The following ARHGEF3 variants were observed in gnomAD, a reference collection of about 807,000 sequenced individuals.
ARHGEF3 encodes the protein Rho guanine nucleotide exchange factor 3.
Under a neutral mutation model 63.2 loss-of-function variants are expected in ARHGEF3, and 28 were observed. The ratio of observed to expected loss-of-function variants is 0.44; its 90% confidence interval spans 0.33 to 0.61. The LOEUF is 0.61. ARHGEF3 is among the 20% of genes least tolerant of loss of function. The probability of loss-of-function intolerance (pLI) is 0.03; values close to 1 mark genes in which losing one functional copy is unlikely to be tolerated. For synonymous variants in ARHGEF3, 266 were observed against 254.2 expected (o/e 1.05, Z -0.44); for missense variants, 533 against 659.3 (o/e 0.81, Z 2.10).
chr3:57,021,045 T>C (rs1325156806), intron 2 of ARHGEF3, among the ~76,000 whole-genome samples: 1 of 152,224 alleles, frequency 6.6e-6, no homozygotes, highest in Admixed American at 6.5e-5. Flanking sequence ...CCTGTCAGTA[T>C]TACTCTAAGC....
intron 3 of ARHGEF3, among the ~76,000 whole-genome samples, chr3:56,922,996 G>T (rs1223705603): frequency 7.0e-6 from 1 of 143,752 alleles, no homozygotes; most frequent in African/African-American, 2.6e-5. Flanking sequence ...GACCAGCTTG[G>T]CCAAAATGGC....
intron 2 of ARHGEF3, among the ~76,000 whole-genome samples, chr3:56,970,220 T>C (rs1031391510): frequency 3.9e-5 from 6 of 152,218 alleles, no homozygotes; most frequent in African/African-American, 1.2e-4. Flanking sequence ...ATGGTTGCAA[T>C]GGTAATATTT....
intron 1 of ARHGEF3, among the ~76,000 whole-genome samples, chr3:56,779,456 G>A (rs560727841): frequency 2.0e-5 from 3 of 152,154 alleles, no homozygotes; most frequent in Admixed American, 2.0e-4. Flanking sequence ...GCCTGCCTAT[G>A]GTGCATGTCA....
chr3:56,854,951 G>A (rs2039817044), intron 4 of ARHGEF3, among the ~76,000 whole-genome samples: 1 of 152,212 alleles, frequency 6.6e-6, no homozygotes, highest in Non-Finnish European at 1.5e-5. Flanking sequence ...CAGTAAACAG[G>A]AGAGTGTGCA....
chr3:56,926,129 A>G (rs150454981), intron 3 of ARHGEF3, among the ~76,000 whole-genome samples: 3 of 152,342 alleles, frequency 2.0e-5, no homozygotes, highest in African/African-American at 7.2e-5. Flanking sequence ...GCCAGGGACC[A>G]TTCTCAGGGT....
At chr3:57,016,000 C>T (rs986247770) in intron 2 of ARHGEF3, among the ~76,000 whole-genome samples, 2 of 152,152 alleles carry the variant, frequency 1.3e-5, no homozygotes, top group Non-Finnish European at 2.9e-5. Context: ...CACCTGGGTG[C>T]GTCCTCATAT....
At chr3:56,823,341 G>T (rs2038589956) in intron 4 of ARHGEF3, among the ~76,000 whole-genome samples, 1 of 152,294 alleles carries the variant, frequency 6.6e-6, no homozygotes, top group South Asian at 2.1e-4. Flanking sequence ...TTATTAGCAT[G>T]ACTGAAAAAG....
chr3:56,882,337 G>A (rs966533736), exon 4 of ARHGEF3: 8 of 1,551,630 alleles, frequency 5.2e-6, no homozygotes, highest in Middle Eastern at 1.7e-4. Flanking sequence ...CATCTTGGGT[G>A]CTCTGTTTCC....
chr3:56,815,647 C>T (rs1458020792), intron 4 of ARHGEF3, among the ~76,000 whole-genome samples: 3 of 152,200 alleles, frequency 2.0e-5, no homozygotes, highest in Non-Finnish European at 4.4e-5. Flanking sequence ...AGACAGACTA[C>T]AAATGGGATA....
chr3:56,927,722 A>G (rs2042311251), intron 3 of ARHGEF3, among the ~76,000 whole-genome samples: 1 of 152,160 alleles, frequency 6.6e-6, no homozygotes, highest in Non-Finnish European at 1.5e-5. Flanking sequence ...TCCAGGTGGT[A>G]CCGCATATGA....
chr3:56,750,282 G>A (rs1046345540), intron 6 of ARHGEF3, among the ~76,000 whole-genome samples: 23 of 152,184 alleles, frequency 1.5e-4, no homozygotes, highest in Admixed American at 5.2e-4. Context: ...GGCAAAATAA[G>A]AGCACACGCC....
chr3:56,972,908 G>A lies in ARHGEF3; in HGVS notation c.63-14019C>T, dbSNP rs188996360. Among the ~76,000 whole-genome samples the A allele has an allele frequency of 2.1e-3, 316 of 152,180 alleles. 2 individuals are homozygous for A. The highest frequency in any genetic ancestry group is 3.4e-3 in the Non-Finnish European group (229 of 68,014). ...AGCTCCAGGTGGCGAGACGGGGGCA[G>A]GGAGGAGGTGAGGAAGTTCCTACAG... On this transcript the variant is annotated intron_variant, in intron 2 of 12. Coordinates refer to the ARHGEF3 transcript ENST00000338458.
At position 56,754,968 on chromosome 3, in the gene ARHGEF3, G is replaced by A. The variant is rs774073052; in HGVS notation, c.375+13C>T. The A allele has an allele frequency of 6.2e-7, 1 of 1,614,070 alleles. No homozygotes were observed. Among genetic ancestry groups the A allele is most frequent in the Non-Finnish European group, 8.5e-7 (1 of 1,180,006 alleles). ...TCCAGACACACAGCCAGCTCCATGG[G>A]CCCCGAGCCTACCTCCTGACGTTTG... On this transcript the variant is annotated intron_variant, in intron 3 of 9. Coordinates refer to ENST00000296315, the MANE Select transcript of ARHGEF3 (RefSeq NM_019555.3).
chr3:57,049,104 T>C (rs981556089), intron 1 of ARHGEF3, among the ~76,000 whole-genome samples: 1 of 152,132 alleles, frequency 6.6e-6, no homozygotes, highest in Admixed American at 6.5e-5. Flanking sequence ...GCACGGTGGC[T>C]TATGCCTGTA....
At chr3:56,901,709 G>A (rs12491966) in intron 3 of ARHGEF3, among the ~76,000 whole-genome samples, 7,189 of 151,422 alleles carry the variant, frequency 0.047, 392 homozygotes, top group East Asian at 0.22. Context: ...TCAGCCTCTC[G>A]AGTAGCTGGG....
chr3:56,905,689 T>C (rs1402538500), intron 3 of ARHGEF3, among the ~76,000 whole-genome samples: 2 of 152,230 alleles, frequency 1.3e-5, no homozygotes, highest in Non-Finnish European at 2.9e-5. Flanking sequence ...CTACTGGCCA[T>C]GTATAAAAGG....
chr3:56,944,781 G>A (rs1305982419), intron 3 of ARHGEF3, among the ~76,000 whole-genome samples: 1 of 151,866 alleles, frequency 6.6e-6, no homozygotes, highest in Non-Finnish European at 1.5e-5. Flanking sequence ...GTTTCACCAT[G>A]CTGGCCAGGT....
At chr3:56,937,692 A>G (rs1698970028) in intron 3 of ARHGEF3, among the ~76,000 whole-genome samples, 1 of 152,184 alleles carries the variant, frequency 6.6e-6, no homozygotes, top group African/African-American at 2.4e-5. Context: ...CCCCAGAGGA[A>G]GCTGTTGTTT....
At chr3:56,731,728 A>G (rs1406887688) in intron 9 of ARHGEF3, 2 of 170,368 alleles carry the variant, frequency 1.2e-5, no homozygotes, top group African/African-American at 4.8e-5. Context: ...TACTCGATAG[A>G]TATTGCTATC....
Sources: allele counts gnomAD v4.1 joint callset (sites outside exome capture counted in the v4.1 genomes callset), GRCh38; gene constraint gnomAD v4.1.1; transcripts MANE v1.5; gene names NCBI Gene and HGNC (gene_info 2026-07-23, HGNC 2026-07-21).